Variants in EIF4H observed in about 807,000 individuals in gnomAD.
EIF4H encodes the protein eukaryotic translation initiation factor 4H.
EIF4H carries 8 observed loss-of-function variants against 30.6 expected under a neutral mutation model. The observed-to-expected ratio is 0.26, with a 90% CI of 0.15 to 0.47. EIF4H has a LOEUF of 0.47. Among genes scored for constraint, EIF4H ranks in the 20% least tolerant of loss-of-function variants. The pLI is 0.99. For synonymous variants in EIF4H, 106 were observed against 122.7 expected (o/e 0.86, Z 0.90); for missense variants, 188 against 339.5 (o/e 0.55, Z 3.51).
intron 1 of EIF4H, among the ~76,000 whole-genome samples, chr7:74,177,667 G>A (rs782286088): frequency 1.3e-5 from 2 of 152,204 alleles, no homozygotes; most frequent in Non-Finnish European, 2.9e-5. Flanking sequence ...ATTTTAAAAT[G>A]CTGTTTACAT....
At chr7:74,182,107 G>GT (rs1304265800) in intron 1 of EIF4H, among the ~76,000 whole-genome samples, 1 of 152,070 alleles carries the variant, frequency 6.6e-6, no homozygotes, top group African/African-American at 2.4e-5. Context: ...CCAGTGTTCA[G>GT]TTTTTCCCAG....
chr7:74,174,484 C>G, intron 1 of EIF4H, 42 bp downstream of exon 1: 1 of 1,343,816 alleles, frequency 7.4e-7, no homozygotes, highest in South Asian at 2.0e-5. Context: ...GCTGCGGGAC[C>G]GGCGGAGTCG....
At position 74,196,307 on chromosome 7, in the gene EIF4H, T is replaced by G. The variant is rs1461882754; in HGVS notation, c.*999T>G. On this transcript the variant is annotated 3_prime_UTR_variant, in exon 7 of 7. Transcript: ENST00000265753. ...TAGTATAGGCAACATAATGAGATAC[T>G]GTGCTTCCCACCTCCCCTTCAGTTC... 1 of 152,696 alleles carries G rather than the reference T, an allele frequency of 6.5e-6. No individual in the cohort carries two copies. The highest frequency in any genetic ancestry group is 6.5e-5 in the Admixed American group (1 of 15,274). 9.5% of individuals were successfully genotyped at this position (152,696 alleles called of 1,614,324 possible).
At chr7:74,195,120 A>T in intron 6 of EIF4H, 49 bp from the exon 7 acceptor site, 2 of 1,598,840 alleles carry the variant, frequency 1.3e-6, no homozygotes, top group East Asian at 2.2e-5. Context: ...GTTTTGCTGG[A>T]TATGGAATGG....
intron 5 of EIF4H, among the ~76,000 whole-genome samples, chr7:74,191,833 G>C (rs1584186529): frequency 6.6e-6 from 1 of 152,030 alleles, no homozygotes; most frequent in Non-Finnish European, 1.5e-5. Flanking sequence ...AGGCTGGAGT[G>C]CAGTGGTGCG....
At chr7:74,188,796 T>G (rs1443179747) in intron 2 of EIF4H, among the ~76,000 whole-genome samples, 1 of 152,106 alleles carries the variant, frequency 6.6e-6, no homozygotes, top group Non-Finnish European at 1.5e-5. Flanking sequence ...ATTGGGTGTC[T>G]GTTGCTTCTG....
At chr7:74,179,925 T>G (rs1414403407) in intron 1 of EIF4H, among the ~76,000 whole-genome samples, 8 of 152,228 alleles carry the variant, frequency 5.3e-5, no homozygotes, top group African/African-American at 9.6e-5. Context: ...CAACAAATAC[T>G]GTTATTTTGG....
intron 1 of EIF4H, among the ~76,000 whole-genome samples, chr7:74,174,720 C>T (rs1219771035): frequency 6.6e-6 from 1 of 152,218 alleles, no homozygotes; most frequent in Non-Finnish European, 1.5e-5. Flanking sequence ...GCCGCGGCGG[C>T]GCCGATGCCC....
At chr7:74,194,661 A>G in intron 5 of EIF4H, 80 bp from the exon 6 acceptor site, 1 of 1,450,628 alleles carries the variant, frequency 6.9e-7, no homozygotes, top group Non-Finnish European at 9.1e-7. Context: ...TGAAACTCAA[A>G]CAATTCCCAG....
At chr7:74,194,940 C>T (rs1437451006) in intron 6 of EIF4H, 62 bp downstream of exon 6, 6 of 1,544,714 alleles carry the variant, frequency 3.9e-6, no homozygotes, top group Non-Finnish European at 5.3e-6. Context: ...GGCCGGTTCA[C>T]ACCCCGTGGG....
chr7:74,190,209 G>A, intron 4 of EIF4H, 38 bp from the exon 5 acceptor site: 1 of 1,603,138 alleles, frequency 6.2e-7, no homozygotes, highest in South Asian at 1.1e-5. Flanking sequence ...GCAAGGTAAT[G>A]ACACGACCTC....
Position 74,196,890 on chromosome 7 carries a change from G to A in EIF4H, c.*1582G>A, listed in dbSNP as rs1224167141. On this transcript the variant is annotated 3_prime_UTR_variant, in exon 7 of 7. Transcript: ENST00000265753. ...ATTATGTGGTGTAATCAAACCCGATGCTTTCAGATGACCTACTTACATCTT... is the reference window on the plus strand; with the variant it reads ...ATTATGTGGTGTAATCAAACCCGATACTTTCAGATGACCTACTTACATCTT... 6.5e-6 allele frequency: 1 copy of A among 152,672 alleles called. No homozygotes were observed. Among genetic ancestry groups the A allele is most frequent in the African/African-American group, 2.4e-5 (1 of 41,474 alleles). The allele number at this position is 152,672 out of a possible 1,614,324, so 9.5% of individuals were successfully genotyped here.
chr7:74,176,936 G>T (rs1411427706), intron 1 of EIF4H, among the ~76,000 whole-genome samples: 3 of 152,182 alleles, frequency 2.0e-5, no homozygotes, highest in Non-Finnish European at 4.4e-5. Context: ...AAAGTGCAGA[G>T]TAATACTGAT....
chr7:74,186,810 T>A (rs1336976103), intron 1 of EIF4H, among the ~76,000 whole-genome samples: 1,062 of 54,124 alleles, frequency 0.02, 174 homozygotes, highest in African/African-American at 0.064. Flanking sequence ...TTTTTTTTTT[T>A]TTTTTTTTTT....
rs1368064384 is a variant in EIF4H at position 74,195,392 on chromosome 7, G to A, written c.*84G>A. 103 of 1,445,498 alleles carry A rather than the reference G, an allele frequency of 7.1e-5. No homozygotes were observed. Among genetic ancestry groups the A allele is most frequent in the Admixed American group, 1.3e-4 (5 of 39,990 alleles). The allele number at this position is 1,445,498 out of a possible 1,614,324, so 89.5% of individuals were successfully genotyped here. A position where few individuals can be genotyped will look rare whatever the true frequency, so the allele number is the denominator to read the frequency against. On this transcript the variant is annotated 3_prime_UTR_variant, in exon 7 of 7. Coordinates refer to ENST00000265753, the MANE Select transcript of EIF4H (RefSeq NM_022170.2). Reference sequence around the variant, plus strand: ...GTCCCCGGGCAGCCGTCCTGCAGCCGCCACTCCTGCGCCTGCCATTGGCCT... The same window carrying A: ...GTCCCCGGGCAGCCGTCCTGCAGCCACCACTCCTGCGCCTGCCATTGGCCT...
chr7:74,194,794 C>A lies in EIF4H; in HGVS notation c.523C>A (p.Arg175=), dbSNP rs782576751. The A allele has an allele frequency of 1.2e-6, 2 of 1,603,050 alleles. No individual in the cohort carries two copies. Among genetic ancestry groups the A allele is most frequent in the Non-Finnish European group, 1.7e-6 (2 of 1,170,840 alleles). The change falls in exon 6 of 7, where the codon CGA becomes AGA. Residue 175 remains arginine, a synonymous_variant. Coordinates refer to ENST00000265753, the MANE Select transcript of EIF4H (RefSeq NM_022170.2). ...GRGGSRPGDR[R]TGPPMGSRFR... ...GGGAGGTAGTCGCCCAGGCGACCGGCGAACAGGCCCCCCCATGGGCAGCCG... is the reference window on the plus strand; with the variant it reads ...GGGAGGTAGTCGCCCAGGCGACCGGAGAACAGGCCCCCCCATGGGCAGCCG...
At chr7:74,175,518 T>C (rs1402237945) in intron 1 of EIF4H, among the ~76,000 whole-genome samples, 1 of 152,200 alleles carries the variant, frequency 6.6e-6, no homozygotes, top group African/African-American at 2.4e-5. Flanking sequence ...AGACAAAAGC[T>C]TGTTTCGGGG....
chr7:74,184,593 T>A (rs1801041149), intron 1 of EIF4H, among the ~76,000 whole-genome samples: 1 of 151,910 alleles, frequency 6.6e-6, no homozygotes, highest in African/African-American at 2.4e-5. Context: ...TTAAACTGTT[T>A]TTAACATTGA....
At chr7:74,175,780 C>G (rs1403155525) in intron 1 of EIF4H, among the ~76,000 whole-genome samples, 1 of 149,396 alleles carries the variant, frequency 6.7e-6, no homozygotes, top group Non-Finnish European at 1.5e-5. Flanking sequence ...CAGAAAAATT[C>G]TTCTTAAACA....
Sources: allele counts gnomAD v4.1 joint callset (sites outside exome capture counted in the v4.1 genomes callset), GRCh38; gene constraint gnomAD v4.1.1; transcripts MANE v1.5; gene names NCBI Gene and HGNC (gene_info 2026-07-23, HGNC 2026-07-21).